Variants in SORBS2 observed in about 807,000 individuals in gnomAD.
The protein encoded by SORBS2 is sorbin and SH3 domain containing 2, also known as sorbin and SH3 domain-containing protein 2.
A neutral mutation model predicts 97.7 loss-of-function variants in SORBS2; 46 were observed. The ratio of observed to expected loss-of-function variants is 0.47; its 90% CI spans 0.37 to 0.60. SORBS2 has a LOEUF of 0.60. Among genes scored for constraint, SORBS2 ranks in the 20% least tolerant of loss-of-function variants. The pLI is 0.00. For missense variants in SORBS2, 1,316 were observed against 1,282.3 expected, an observed-to-expected ratio of 1.03 and a Z score of -0.40; for synonymous variants, 476 against 473.4, an observed-to-expected ratio of 1.01 and a Z score of -0.07.
At chr4:185,614,745 T>G in intron 11 of SORBS2, 86 bp downstream of exon 23, 1 of 1,468,048 alleles carries the variant, frequency 6.8e-7, no homozygotes, top group Non-Finnish European at 9.2e-7. Context: ...AGATAACCTA[T>G]TTTAGTTTTG....
intron 13 of SORBS2, chr4:185,593,077 C>T (rs1048303643): frequency 6.6e-6 from 1 of 152,326 alleles, no homozygotes; most frequent in African/African-American, 2.4e-5. Flanking sequence ...TGTTCTGCTC[C>T]AGGTGAGCAG....
At chr4:185,918,490 A>G (rs190086314) in intron 1 of SORBS2, 2 of 152,288 alleles carry the variant, frequency 1.3e-5, no homozygotes, top group East Asian at 3.9e-4. Context: ...GATGGTGTCA[A>G]CAGATGCATC....
chr4:185,804,927 C>T (rs1439321477), intron 1 of SORBS2, among the ~76,000 whole-genome samples: 1 of 151,990 alleles, frequency 6.6e-6, no homozygotes, highest in African/African-American at 2.4e-5. Context: ...CTTGAACTCT[C>T]TGTTCAACTA....
At position 185,858,301 on chromosome 4, in the gene SORBS2, A is replaced by G. The variant is rs28502159; in HGVS notation, c.-337-82935T>C. 2.9e-3 allele frequency among the ~76,000 whole-genome samples: 440 copies of G among 152,328 alleles called. 4 individuals are homozygous for G. The highest frequency in any genetic ancestry group is 0.01 in the African/African-American group (417 of 41,578). The stretch of plus-strand genomic sequence containing the variant: ...GCTCCAAAGCTCTTGCTTTCTCACC[A>G]TGTAAAGAAGAAGGCCCTCACCAGT... On this transcript the variant is annotated intron_variant, in intron 1 of 20. Coordinates refer to the SORBS2 transcript ENST00000284776.
intron 1 of SORBS2, among the ~76,000 whole-genome samples, chr4:185,935,767 G>A (rs192857110): frequency 1.2e-3 from 179 of 152,308 alleles, no homozygotes; most frequent in African/African-American, 4.0e-3. Flanking sequence ...AATCAGAGCC[G>A]TAGTTGGTAA....
intron 4 of SORBS2, chr4:185,677,664 A>C (rs1420171146): frequency 6.9e-7 from 1 of 1,458,944 alleles, no homozygotes; most frequent in Admixed American, 2.6e-5. Context: ...GATCCAGAGA[A>C]AGAAATAAAG....
intron 4 of SORBS2, chr4:185,675,434 T>C (rs1227423207): frequency 6.6e-6 from 1 of 152,272 alleles, no homozygotes; most frequent in Non-Finnish European, 1.5e-5. Flanking sequence ...GCTCCCACCA[T>C]CATGGCACCG....
chr4:185,886,352 G>A (rs1337481966), intron 1 of SORBS2, among the ~76,000 whole-genome samples: 4 of 152,116 alleles, frequency 2.6e-5, no homozygotes, highest in East Asian at 3.9e-4. Context: ...TCAGGAGATT[G>A]AGGCCAGCCT....
intron 4 of SORBS2, among the ~76,000 whole-genome samples, chr4:185,673,812 A>G (rs2097756203): frequency 6.6e-6 from 1 of 152,194 alleles, no homozygotes; most frequent in Non-Finnish European, 1.5e-5. Flanking sequence ...CTATGGAATC[A>G]ATGGTAAGTT....
chr4:185,835,157 A>G (rs1272514859), intron 1 of SORBS2, among the ~76,000 whole-genome samples: 3 of 152,184 alleles, frequency 2.0e-5, no homozygotes, highest in Non-Finnish European at 4.4e-5. Context: ...AAGCCTCCGC[A>G]GAAGCAGATT....
chr4:185,853,765 A>T (rs2099219224), intron 1 of SORBS2, among the ~76,000 whole-genome samples: 2 of 152,128 alleles, frequency 1.3e-5, no homozygotes, highest in South Asian at 4.1e-4. Flanking sequence ...TAATTTTTTT[A>T]AATGGAGCTG....
At chr4:185,646,584 G>C (rs1470905789) in intron 4 of SORBS2, 84 bp downstream of exon 13, 10 of 739,788 alleles carry the variant, frequency 1.4e-5, no homozygotes, top group Middle Eastern at 2.4e-4. Context: ...GACAAAAATT[G>C]CTAATGGGTC....
Position 185,847,890 on chromosome 4 carries a change from A to T in SORBS2, c.-337-72524T>A, listed in dbSNP as rs193162520. On this transcript the variant is annotated intron_variant, in intron 1 of 20. Transcript: ENST00000284776. ...TGATGGCTAGTCTCATCAAAGAGCA[A>T]ACAGCATGTCTCAGATTACAGCTAT... is the stretch of plus-strand genomic sequence containing the variant. Among the ~76,000 whole-genome samples the T allele has an allele frequency of 3.5e-4, 53 of 152,276 alleles. No individual in the cohort carries two copies. In the East Asian group the frequency reaches 5.8e-3, roughly 17 times the overall value.
At chr4:185,719,906 C>G (rs755714622) in intron 2 of SORBS2, among the ~76,000 whole-genome samples, 3 of 152,204 alleles carry the variant, frequency 2.0e-5, no homozygotes, top group Non-Finnish European at 4.4e-5. Flanking sequence ...TGGCTTTAGC[C>G]AGGCTAAGAT....
rs528804120 is a variant in SORBS2 at position 185,875,429 on chromosome 4, G to A, written c.-338+80767C>T. ...AACAACAAAAAATAAAACCAAAAAC[G>A]TCTCCCGGAGGCAGGGATTTAGTCC... On this transcript the variant is annotated intron_variant, in intron 1 of 20. Coordinates refer to the SORBS2 transcript ENST00000284776. 9.2e-5 allele frequency among the ~76,000 whole-genome samples: 14 copies of A among 152,272 alleles called. No individual in the cohort carries two copies. The South Asian group carries it at 2.5e-3, about 27-fold the overall frequency.
chr4:185,600,731 A>G (rs2096242711), intron 12 of SORBS2, among the ~76,000 whole-genome samples: 1 of 152,188 alleles, frequency 6.6e-6, no homozygotes, highest in Non-Finnish European at 1.5e-5. Context: ...AAGGGATGCA[A>G]GGTGAGATAG....
chr4:185,806,998 A>G (rs1048639571), intron 1 of SORBS2, among the ~76,000 whole-genome samples: 1 of 152,236 alleles, frequency 6.6e-6, no homozygotes, highest in African/African-American at 2.4e-5. Context: ...AGCAGAGGAT[A>G]TAATTCATTA....
chr4:185,770,983 T>TTTTTC (rs2098967014), intron 2 of SORBS2: 1 of 141,556 alleles, frequency 7.1e-6, no homozygotes, highest in Admixed American at 7.0e-5. Context: ...TCCTTTTTTT[T>TTTTTC]TTTTTTTTTT....
At chr4:185,843,317 C>T (rs951368819) in intron 1 of SORBS2, among the ~76,000 whole-genome samples, 1 of 152,134 alleles carries the variant, frequency 6.6e-6, no homozygotes, top group Non-Finnish European at 1.5e-5. Flanking sequence ...CCACTTTCAC[C>T]ATTCCTATTC....
Sources: allele counts gnomAD v4.1 joint callset (sites outside exome capture counted in the v4.1 genomes callset), GRCh38; gene constraint gnomAD v4.1.1; transcripts MANE v1.5; gene names NCBI Gene and HGNC (gene_info 2026-07-23, HGNC 2026-07-21).